The following ADA2 variants were observed in gnomAD, a reference collection of about 807,000 sequenced individuals.
ADA2 encodes the protein adenosine deaminase 2.
A neutral mutation model predicts 44.2 loss-of-function variants in ADA2; 29 were observed. The observed-to-expected ratio is 0.66, with a 90% CI of 0.49 to 0.89. The LOEUF (loss-of-function observed/expected upper bound fraction) is 0.89. Among genes scored for constraint, ADA2 ranks in the 40% least tolerant of loss-of-function variants. The probability of loss-of-function intolerance (pLI) is 0.00; values close to 1 mark genes in which losing one functional copy is unlikely to be tolerated. For missense variants in ADA2, 637 were observed against 644.8 expected (o/e 0.99, Z 0.13); for synonymous variants, 215 against 234.9 (o/e 0.92, Z 0.77).
At position 17,193,357 on chromosome 22, in the gene ADA2, GCAAAA is replaced by G. The variant is rs2062146229; in HGVS notation, c.754-1552_754-1548del. 31 of 47,726 alleles carry G rather than the reference GCAAAA, an allele frequency of 6.5e-4. 1 individual carries two copies. The highest frequency in any genetic ancestry group is 1.8e-3 in the South Asian group (5 of 2,838). 3.0% of individuals were successfully genotyped at this position (47,726 alleles called of 1,614,324 possible). On this transcript the variant is annotated intron_variant, in intron 4 of 9. Transcript: ENST00000399837. ...GTGTTTAAATAAAACCGTAAAAACT[GCAAAA>G]AAAAAAAAAAAAAAAAAAAAAAAGG...
In ADA2 at chr22:17,209,376, A is replaced by C; in HGVS notation, c.302T>G (p.Ile101Ser). Residue 101 changes from isoleucine (I) to serine (S), a missense_variant, in exon 2 of 10, where the codon ATT becomes AGT. By Grantham distance (142) the Ile-to-Ser change is moderately radical (BLOSUM62 -2). Coordinates refer to ENST00000399837, the MANE Select transcript of ADA2 (RefSeq NM_001282225.2). Reference sequence around the variant, plus strand: ...CTTACCTTTTGGCATCATCCTTAGAATATTAAACACTTGACTTCTCTCAAT... The same window carrying C: ...CTTACCTTTTGGCATCATCCTTAGACTATTAAACACTTGACTTCTCTCAAT... Reference protein sequence around the residue: ...HLIERSQVFNILRMMPKGAAL... With the variant: ...HLIERSQVFNSLRMMPKGAAL... The C allele has an allele frequency of 2.5e-6, 4 of 1,613,980 alleles. No individual in the cohort carries two copies. The highest frequency in any genetic ancestry group is 3.4e-6 in the Non-Finnish European group (4 of 1,179,994).
chr22:17,208,818 TAA>T (rs2062384603), intron 2 of ADA2, among the ~76,000 whole-genome samples: 6 of 150,422 alleles, frequency 4.0e-5, no homozygotes, highest in Admixed American at 6.7e-5. Context: ...AAATTTTTTT[TAA>T]TAAAAAAAAA....
chr22:17,210,337 T>G (rs1470678960), intron 1 of ADA2, among the ~76,000 whole-genome samples: 1 of 150,736 alleles, frequency 6.6e-6, no homozygotes, highest in Non-Finnish European at 1.5e-5. Flanking sequence ...ATTACAGGCA[T>G]GCATCACCAC....
At chr22:17,193,091 C>CAA (rs112735385) in intron 4 of ADA2, 21 of 1,047,878 alleles carry the variant, frequency 2.0e-5, no homozygotes, top group African/African-American at 9.7e-5. Flanking sequence ...ATGGGAGCAA[C>CAA]AAAAAAAAAC....
chr22:17,202,073 G>A (rs75496534), intron 4 of ADA2, among the ~76,000 whole-genome samples: 5,414 of 145,216 alleles, frequency 0.037, 158 homozygotes, highest in East Asian at 0.097. Flanking sequence ...CTGGGTTCAA[G>A]TGATTCTCCC....
Position 17,209,720 on chromosome 22 carries a change from G to C in ADA2, c.-43C>G, listed in dbSNP as rs183238855. 3 of 1,514,820 alleles carry C rather than the reference G, an allele frequency of 2.0e-6. No individual in the cohort carries two copies. The highest frequency in any genetic ancestry group is 2.7e-5 in the African/African-American group (2 of 73,022). 93.8% of individuals were successfully genotyped at this position (1,514,820 alleles called of 1,614,324 possible). ...GAAAGGGCTCAGATGGAGACTCCAC[G>C]GGACTGCAAAGGAGAGTGGGGGAGT... On this transcript the variant is annotated 5_prime_UTR_variant, in exon 2 of 10. Transcript: ENST00000399837.
In ADA2 at chr22:17,208,838, A is replaced by AT. The variant is rs796662081; in HGVS notation, c.322+517dup. 3.5e-5 allele frequency among the ~76,000 whole-genome samples: 5 copies of AT among 142,912 alleles called. No individual in the cohort carries two copies. The East Asian group carries it at 1.1e-3, about 31-fold the overall frequency. 93.8% of individuals were successfully genotyped at this position (142,912 alleles called of 152,430 possible). On this transcript the variant is annotated intron_variant, in intron 2 of 9. Coordinates refer to ENST00000399837, the MANE Select transcript of ADA2 (RefSeq NM_001282225.2). ...TTTTTTAATAAAAAAAAAAATTAAC[A>AT]TTTTTTGGGGAACAGGGTCTTGCTC...
intron 4 of ADA2, among the ~76,000 whole-genome samples, chr22:17,199,166 C>T (rs1414859831): frequency 6.6e-6 from 1 of 152,100 alleles, no homozygotes; most frequent in Non-Finnish European, 1.5e-5. Context: ...CCAGCACCTT[C>T]TCCAAAGGTT....
At chr22:17,203,861 A>G (rs2062322041) in intron 3 of ADA2, 88 bp from the exon 4 acceptor site, 2 of 794,068 alleles carry the variant, frequency 2.5e-6, no homozygotes, top group South Asian at 3.1e-5. Context: ...CACCTTGCAT[A>G]TCCCAGCTAG....
chr22:17,189,931 G>A lies in ADA2; in HGVS notation c.972+11C>T, dbSNP rs761938995. ...TTAACAGGCAGCCCTTCTGTTCACA[G>A]CATGGGTTACCAGGTCAAACCCTGC... On this transcript the variant is annotated intron_variant, in intron 6 of 9. Coordinates refer to ENST00000399837, the MANE Select transcript of ADA2 (RefSeq NM_001282225.2). 12 of 1,601,706 alleles carry A rather than the reference G, an allele frequency of 7.5e-6. No homozygotes were observed. Among genetic ancestry groups the A allele is most frequent in the Non-Finnish European group, 1.0e-5 (12 of 1,168,690 alleles).
intron 4 of ADA2, among the ~76,000 whole-genome samples, chr22:17,195,587 G>T (rs541070206): frequency 6.6e-6 from 1 of 151,932 alleles, no homozygotes; most frequent in South Asian, 2.1e-4. Context: ...CAACAGTCTT[G>T]CCGTGTCGTC....
chr22:17,205,443 C>T (rs946347053), intron 3 of ADA2, among the ~76,000 whole-genome samples: 1 of 152,056 alleles, frequency 6.6e-6, no homozygotes, highest in African/African-American at 2.4e-5. Context: ...TGTTTAAGCT[C>T]CCCAGCCTGT....
intron 1 of ADA2, among the ~76,000 whole-genome samples, chr22:17,215,703 C>G (rs929789408): frequency 1.3e-5 from 2 of 152,050 alleles, no homozygotes; most frequent in Non-Finnish European, 2.9e-5. Context: ...CACAGAAGGA[C>G]AAACACCGTA....
chr22:17,195,201 A>C (rs1467989780), intron 4 of ADA2, among the ~76,000 whole-genome samples: 6 of 152,162 alleles, frequency 3.9e-5, no homozygotes, highest in African/African-American at 1.4e-4. Flanking sequence ...TTTTCAAGGA[A>C]GGCCTGCATC....
At chr22:17,215,117 CA>C (rs1475517770) in intron 1 of ADA2, among the ~76,000 whole-genome samples, 1 of 152,142 alleles carries the variant, frequency 6.6e-6, no homozygotes, top group Non-Finnish European at 1.5e-5. Context: ...GATCAAACCG[CA>C]TATGCTATTG....
At chr22:17,192,682 G>A (rs2062133648) in intron 4 of ADA2, among the ~76,000 whole-genome samples, 1 of 152,112 alleles carries the variant, frequency 6.6e-6, no homozygotes, top group Non-Finnish European at 1.5e-5. Flanking sequence ...TACAAGATTA[G>A]CTGGGCATGG....
intron 1 of ADA2, among the ~76,000 whole-genome samples, chr22:17,211,948 T>A (rs1000533523): frequency 6.6e-6 from 1 of 152,026 alleles, no homozygotes. Context: ...AAAAAAAAAT[T>A]AATTAATTAA....
At chr22:17,193,955 A>T (rs552323471) in intron 4 of ADA2, among the ~76,000 whole-genome samples, 1 of 150,342 alleles carries the variant, frequency 6.7e-6, no homozygotes, top group Non-Finnish European at 1.5e-5. Flanking sequence ...CAGGAGGATC[A>T]CTTGAGCCCA....
chr22:17,198,786 T>A (rs910103662), intron 4 of ADA2: 1 of 152,308 alleles, frequency 6.6e-6, no homozygotes, highest in Non-Finnish European at 1.5e-5. Flanking sequence ...CCTCAGACTC[T>A]GCCGTGGGGG....
Sources: allele counts gnomAD v4.1 joint callset (sites outside exome capture counted in the v4.1 genomes callset), GRCh38; gene constraint gnomAD v4.1.1; transcripts MANE v1.5; gene names NCBI Gene and HGNC (gene_info 2026-07-23, HGNC 2026-07-21).